Variants in MTOR observed in about 807,000 individuals in gnomAD.
The protein encoded by MTOR is serine/threonine-protein kinase mTOR.
A neutral mutation model predicts 319.8 loss-of-function variants in MTOR; 70 were observed. The observed-to-expected ratio is 0.22, with a 90% confidence interval of 0.18 to 0.27. The LOEUF (loss-of-function observed/expected upper bound fraction) is 0.27, where lower values mean the gene tolerates loss of function less well. Among genes scored for constraint, MTOR ranks in the 10% least tolerant of loss-of-function variants. The probability of loss-of-function intolerance (pLI) is 1.00; values close to 1 mark genes in which losing one functional copy is unlikely to be tolerated. For synonymous variants in MTOR, 1,183 were observed against 1,211.4 expected (o/e 0.98, Z 0.49); for missense variants, 1,890 against 3,274.4 (o/e 0.58, Z 10.32).
At chr1:11,156,928 C>T (rs926168426) in intron 30 of MTOR, among the ~76,000 whole-genome samples, 1 of 152,074 alleles carries the variant, frequency 6.6e-6, no homozygotes, top group Non-Finnish European at 1.5e-5. Flanking sequence ...CTGTCCTGTC[C>T]TAGAGCATTA....
chr1:11,166,428 T>G (rs950682596), intron 29 of MTOR, among the ~76,000 whole-genome samples: 4 of 152,162 alleles, frequency 2.6e-5, no homozygotes, highest in African/African-American at 9.7e-5. Flanking sequence ...CATCAAAAAG[T>G]GGGCAAAGGA....
chr1:11,179,009 C>A (rs1645069037), intron 28 of MTOR, among the ~76,000 whole-genome samples: 1 of 152,198 alleles, frequency 6.6e-6, no homozygotes, highest in Non-Finnish European at 1.5e-5. Context: ...GATGCCCATT[C>A]TGGGTTCAGG....
chr1:11,199,236 T>C lies in MTOR; in HGVS notation c.4253+22A>G, dbSNP rs1645885028. On this transcript the variant is annotated intron_variant, in intron 28 of 57. Transcript: ENST00000361445. This position sits in a 1 kb window ranked among gnomAD's most constrained non-coding sequence, Gnocchi z 4.5. ...AGGTCATTTTGCATGAAGGCAGCAA[T>C]TAAAAAGGGTTTATGGCCTACCTGA... The C allele has an allele frequency of 6.2e-7, 1 of 1,613,972 alleles. No homozygotes were observed. Among genetic ancestry groups the C allele is most frequent in the Non-Finnish European group, 8.5e-7 (1 of 1,179,986 alleles).
intron 29 of MTOR, among the ~76,000 whole-genome samples, chr1:11,163,926 C>T (rs1224521773): frequency 2.6e-5 from 4 of 152,130 alleles, no homozygotes; most frequent in Non-Finnish European, 5.9e-5. Context: ...CAAGAAATAA[C>T]TAAGATCAGA....
intron 28 of MTOR, among the ~76,000 whole-genome samples, chr1:11,190,310 T>G (rs563633352): frequency 3.9e-5 from 6 of 152,252 alleles, no homozygotes; most frequent in South Asian, 2.1e-4. Flanking sequence ...CTCAAGAAAT[T>G]CCAAGGAAGC....
At chr1:11,187,085 C>T (rs1254769309) in intron 28 of MTOR, among the ~76,000 whole-genome samples, 2 of 152,168 alleles carry the variant, frequency 1.3e-5, no homozygotes, top group Non-Finnish European at 2.9e-5. Flanking sequence ...TTATTTTCTG[C>T]CCACATATAA....
At chr1:11,233,308 T>C (rs1224071122) in intron 15 of MTOR, 90 bp downstream of exon 15, 10 of 1,238,192 alleles carry the variant, frequency 8.1e-6, no homozygotes, top group Non-Finnish European at 1.0e-5. Context: ...AGACCTTTCA[T>C]TTAAAAAAAA....
At chr1:11,196,859 A>AAAAAG (rs577414101) in intron 28 of MTOR, among the ~76,000 whole-genome samples, 4 of 151,682 alleles carry the variant, frequency 2.6e-5, no homozygotes, top group East Asian at 3.8e-4. Context: ...TAAAAAAAAA[A>AAAAAG]AAAAGAAAAG....
intron 28 of MTOR, chr1:11,189,511 T>C: frequency 3.3e-6 from 5 of 1,510,052 alleles, no homozygotes; most frequent in Non-Finnish European, 4.4e-6. Flanking sequence ...GCTGCAGCTT[T>C]GCAGACCTCA....
chr1:11,217,339 A>G (rs142454896), intron 19 of MTOR, among the ~76,000 whole-genome samples: 47 of 152,214 alleles, frequency 3.1e-4, no homozygotes, highest in African/African-American at 1.1e-3. Flanking sequence ...TATGAGCTTC[A>G]GATAGTATTA....
intron 1 of MTOR, among the ~76,000 whole-genome samples, chr1:11,260,972 A>C (rs568422274): frequency 6.6e-6 from 1 of 151,400 alleles, no homozygotes; most frequent in Non-Finnish European, 1.5e-5. Flanking sequence ...GTGTGTTTTT[A>C]GTAGAGATGG....
At chr1:11,148,928 G>GTA (rs59193696) in intron 31 of MTOR, among the ~76,000 whole-genome samples, 85,093 of 146,396 alleles carry the variant, frequency 0.58, 28,491 homozygotes, top group East Asian at 0.81. Context: ...GTGTGTGTGT[G>GTA]TATATATATA....
intron 19 of MTOR, among the ~76,000 whole-genome samples, chr1:11,222,067 C>T (rs1422707344): frequency 1.3e-5 from 2 of 151,410 alleles, no homozygotes; most frequent in Non-Finnish European, 1.5e-5. Context: ...ACTCATTATA[C>T]TAAAAAATTG....
intron 26 of MTOR, among the ~76,000 whole-genome samples, chr1:11,202,465 T>C (rs1646006352): frequency 6.6e-6 from 1 of 151,444 alleles, no homozygotes; most frequent in African/African-American, 2.4e-5. Flanking sequence ...AAACAATATT[T>C]TTTTTGGCGG....
chr1:11,113,899 C>A (rs1053538074), intron 53 of MTOR, among the ~76,000 whole-genome samples: 4 of 152,148 alleles, frequency 2.6e-5, no homozygotes, highest in African/African-American at 9.7e-5. Context: ...ATGGTTCCTC[C>A]ATGCTGTTCT....
chr1:11,130,798 G>C (rs754558993), intron 38 of MTOR, 21 bp from the exon 39 acceptor site: 6 of 1,552,820 alleles, frequency 3.9e-6, no homozygotes, highest in Non-Finnish European at 3.5e-6. Flanking sequence ...AGAAAGGCAA[G>C]GACAGACACT....
chr1:11,170,348 CTAGGTATAGAT>C (rs1644774259), intron 28 of MTOR, among the ~76,000 whole-genome samples: 14 of 152,160 alleles, frequency 9.2e-5, no homozygotes, highest in African/African-American at 3.4e-4. Context: ...AATAATATTA[CTAGGTATAGAT>C]TTGGGATTAT....
chr1:11,112,099 A>C (rs561881250), intron 54 of MTOR, among the ~76,000 whole-genome samples: 17 of 152,208 alleles, frequency 1.1e-4, no homozygotes, highest in African/African-American at 3.4e-4. Context: ...CACAAAAAGG[A>C]CTCTGGCTCT....
rs2100401851 is a variant in MTOR, at chr1:11,127,075, C to T, written c.6286G>A (p.Asp2096Asn). Residue 2096 changes from aspartate to asparagine, a missense_variant, in exon 45 of 58, where the codon GAC becomes AAC. By Grantham distance (23) the Asp-to-Asn change is conservative. Around this residue, in one of 15 missense-constraint regions of MTOR, gnomAD observed 249 missense variants for 596.2 expected, o/e 0.42. Coordinates refer to ENST00000361445, the MANE Select transcript of MTOR (RefSeq NM_004958.4). This position sits in a 1 kb window ranked among gnomAD's most constrained non-coding sequence, Gnocchi z 5.5. ...RKYMKSGNVK[D>N]LTQAWDLYYH... ...TAGAGGTCCCAGGCTTGGGTGAGGT[C>T]CTTGACATTCCCTGATTTCATGTAC... The T allele has an allele frequency of 6.2e-7, 1 of 1,614,166 alleles. No individual in the cohort carries two copies. Among genetic ancestry groups the T allele is most frequent in the Non-Finnish European group, 8.5e-7 (1 of 1,180,038 alleles).
Sources: allele counts gnomAD v4.1 joint callset (sites outside exome capture counted in the v4.1 genomes callset), GRCh38; gene constraint gnomAD v4.1.1; regional missense constraint gnomAD v4.1.1; non-coding constraint Gnocchi (gnomAD v3.1); transcripts MANE v1.5; gene names NCBI Gene and HGNC (gene_info 2026-07-23, HGNC 2026-07-21).